The following PCNT variants were observed in gnomAD, a reference collection of about 807,000 sequenced individuals.
PCNT encodes the protein pericentrin, also known as kendrin.
A neutral mutation model predicts 380.4 loss-of-function variants in PCNT; 319 were observed. The ratio of observed to expected loss-of-function variants is 0.84; its 90% CI spans 0.77 to 0.92. The LOEUF (loss-of-function observed/expected upper bound fraction) is 0.92. Ranked by LOEUF, PCNT falls within the 40% of genes least tolerant of loss-of-function variation. The pLI, the probability that PCNT is intolerant of heterozygous loss-of-function variation, is 0.00. For missense variants in PCNT, 4,400 were observed against 4,255.3 expected, an observed-to-expected ratio of 1.03 and a Z score of -0.95; for synonymous variants, 1,845 against 1,735.2, an observed-to-expected ratio of 1.06 and a Z score of -1.57.
At chr21:46,362,686 A>G (rs1475252464) in intron 13 of PCNT, among the ~76,000 whole-genome samples, 3 of 151,784 alleles carry the variant, frequency 2.0e-5, no homozygotes, top group Non-Finnish European at 2.9e-5. Context: ...CACACCTGTA[A>G]CAATCCCAGC....
At chr21:46,386,681 G>T (rs2085849916) in intron 17 of PCNT, among the ~76,000 whole-genome samples, 1 of 152,196 alleles carries the variant, frequency 6.6e-6, no homozygotes. Context: ...TCGCGTGTGG[G>T]GTCTTGAGAA....
At chr21:46,422,975 C>T (rs370316002) in intron 32 of PCNT, among the ~76,000 whole-genome samples, 2 of 152,128 alleles carry the variant, frequency 1.3e-5, no homozygotes, top group African/African-American at 4.8e-5. Flanking sequence ...TGGCTGGGCA[C>T]GGTGGCTCAT....
intron 2 of PCNT, among the ~76,000 whole-genome samples, chr21:46,329,537 G>C (rs948715700): frequency 3.3e-5 from 5 of 152,092 alleles, no homozygotes; most frequent in African/African-American, 9.7e-5. Flanking sequence ...ACATCTTAAA[G>C]CAATCTATAA....
At position 46,385,939 on chromosome 21, in the gene PCNT, CCT is replaced by C. The variant is rs1338994910; in HGVS notation, c.3424_3425del (p.Ser1142HisfsTer51). The C allele has an allele frequency of 6.2e-7, 1 of 1,614,062 alleles. No individual in the cohort carries two copies. The highest frequency in any genetic ancestry group is 8.5e-7 in the Non-Finnish European group (1 of 1,180,040). ...GGGAGAACCGGGAAGGCGCAAACCT[CCT>C]CTCCATGCTCAAGGCCGACGTCAAC... ...ERENREGANL[L>X]SMLKADVNLS... On this transcript the variant is annotated frameshift_variant, in exon 17 of 47. Coordinates refer to ENST00000359568, the MANE Select transcript of PCNT (RefSeq NM_006031.6). LOFTEE classifies it high-confidence loss of function.
chr21:46,428,304 G>A, intron 34 of PCNT, 91 bp from the exon 35 acceptor site: 2 of 1,164,966 alleles, frequency 1.7e-6, no homozygotes, highest in Admixed American at 1.9e-5. Context: ...GCTTGTCCCG[G>A]CGGAGCTGGT....
chr21:46,424,786 TC>T (rs2087425606), intron 32 of PCNT, among the ~76,000 whole-genome samples: 2 of 133,386 alleles, frequency 1.5e-5, no homozygotes, highest in Non-Finnish European at 3.2e-5. Context: ...ACCACCCCGC[TC>T]CCCTCAACCC....
At chr21:46,440,536 C>A (rs1172052747) in intron 42 of PCNT, among the ~76,000 whole-genome samples, 2 of 152,236 alleles carry the variant, frequency 1.3e-5, no homozygotes, top group Admixed American at 6.5e-5. Flanking sequence ...GCACACGGTC[C>A]CCACCCCGTG....
chr21:46,388,831 A>T lies in PCNT; in HGVS notation c.3554A>T (p.Glu1185Val). The T allele has an allele frequency of 6.2e-7, 1 of 1,612,158 alleles. No homozygotes were observed. The change falls in exon 18 of 47, where the codon GAG becomes GTG. Residue 1185 changes from glutamate (E) to valine (V), a missense_variant. Physicochemically the swap from Glu to Val is moderately radical, Grantham distance 121. Transcript: ENST00000359568. The surrounding 1 kb of genome is among the most constrained non-coding windows in gnomAD (Gnocchi z 4.2). ...AAVTLRSRIGERVGLCLDDAG... is the reference protein window; with the variant it reads ...AAVTLRSRIGVRVGLCLDDAG... ...GTCACCCTGAGGAGCCGGATCGGGGAGCGCGTGGGGCTCTGCCTGGATGAC... is the reference window on the plus strand; with the variant it reads ...GTCACCCTGAGGAGCCGGATCGGGGTGCGCGTGGGGCTCTGCCTGGATGAC...
intron 3 of PCNT, among the ~76,000 whole-genome samples, chr21:46,339,391 G>A (rs1215529065): frequency 6.6e-6 from 1 of 152,148 alleles, no homozygotes; most frequent in Non-Finnish European, 1.5e-5. Context: ...TTCTTTAGAG[G>A]GACAGAACTA....
At chr21:46,373,582 C>T (rs1436929550) in intron 15 of PCNT, among the ~76,000 whole-genome samples, 1 of 150,882 alleles carries the variant, frequency 6.6e-6, no homozygotes, top group Non-Finnish European at 1.5e-5. Context: ...CAGGCATGCG[C>T]CACCATGCCT....
chr21:46,354,963 G>A (rs2084418321), intron 11 of PCNT, among the ~76,000 whole-genome samples: 1 of 152,228 alleles, frequency 6.6e-6, no homozygotes, highest in South Asian at 2.1e-4. Flanking sequence ...AAGGGCTGGG[G>A]TGGGTAGCCC....
chr21:46,387,056 AG>A (rs552918189), intron 17 of PCNT, among the ~76,000 whole-genome samples: 88 of 152,056 alleles, frequency 5.8e-4, no homozygotes, highest in African/African-American at 2.1e-3. Flanking sequence ...TCCCCACTCG[AG>A]GCCTCTGGGT....
chr21:46,433,546 T>G (rs1186891497), intron 38 of PCNT, among the ~76,000 whole-genome samples: 1 of 152,194 alleles, frequency 6.6e-6, no homozygotes, highest in African/African-American at 2.4e-5. Context: ...TGTGTTTGCC[T>G]TTCTCCTGGG....
At chr21:46,367,219 T>C in intron 15 of PCNT, 80 bp downstream of exon 15, 1 of 1,217,272 alleles carries the variant, frequency 8.2e-7, no homozygotes, top group Non-Finnish European at 1.2e-6. Flanking sequence ...GTCACATGTC[T>C]GCGTGCGTGC....
Position 46,324,295 on chromosome 21 carries a change from G to A in PCNT, c.54+13G>A, listed in dbSNP as rs1462913553. 2 of 1,602,678 alleles carry A rather than the reference G, an allele frequency of 1.2e-6. No individual in the cohort carries two copies. Among genetic ancestry groups the A allele is most frequent in the East Asian group, 2.2e-5 (1 of 44,606 alleles). ...CGGGAGGACGAAGGTAAACATTAGG[G>A]GCTTCTTCTCTAGCTGCTCTGGCGT... On this transcript the variant is annotated intron_variant, in intron 1 of 46. Transcript: ENST00000359568.
chr21:46,387,246 T>C (rs913068417), intron 17 of PCNT, among the ~76,000 whole-genome samples: 1 of 152,124 alleles, frequency 6.6e-6, no homozygotes, highest in Non-Finnish European at 1.5e-5. Context: ...GGTCTCTCTT[T>C]GTTCTTTTCA....
rs770589647 is a variant in PCNT, at chr21:46,390,725, A to G, written c.3896A>G (p.Asn1299Ser). The G allele has an allele frequency of 1.9e-6, 3 of 1,613,990 alleles. No homozygotes were observed. The highest frequency in any genetic ancestry group is 2.5e-6 in the Non-Finnish European group (3 of 1,180,016). ...SRFEKEFSFKNEETAQVVRKH... is the reference protein window; with the variant it reads ...SRFEKEFSFKSEETAQVVRKH... Reference sequence around the variant, plus strand: ...TTTGAAAAAGAATTTAGTTTTAAGAATGAGGAGACAGCACAGGTTGTCAGG... The same window carrying G: ...TTTGAAAAAGAATTTAGTTTTAAGAGTGAGGAGACAGCACAGGTTGTCAGG... The change falls in exon 20 of 47, where the codon AAT becomes AGT. Residue 1299 changes from asparagine (N) to serine (S), a missense_variant. Asn to Ser is a conservative substitution (Grantham distance 46). Coordinates refer to ENST00000359568, the MANE Select transcript of PCNT (RefSeq NM_006031.6).
At chr21:46,418,098 CTA>C in intron 30 of PCNT, 104 bp from the exon 31 acceptor site, 2 of 720,008 alleles carry the variant, frequency 2.8e-6, no homozygotes, top group Non-Finnish European at 5.1e-6. Context: ...CATCTGGGGT[CTA>C]TGTGGGAAGA....
chr21:46,364,033 C>T lies in PCNT; in HGVS notation c.2609+99C>T, dbSNP rs892445386. 5.3e-6 allele frequency: 6 copies of T among 1,122,460 alleles called. No homozygotes were observed. In the African/African-American group the frequency reaches 9.2e-5, roughly 17 times the overall value. 69.5% of individuals were successfully genotyped at this position (1,122,460 alleles called of 1,614,324 possible). A position where few individuals can be genotyped will look rare whatever the true frequency, so the allele number is the denominator to read the frequency against. ...CTGGGAGGAGGCGCTGTGGGCTCCA[C>T]TGGGCGAAAAGGTCTGGAGGGAGCT... On this transcript the variant is annotated intron_variant, in intron 14 of 46. Transcript: ENST00000359568.
Sources: gnomAD v4.1 joint callset for allele counts (sites outside exome capture counted in the v4.1 genomes callset) on GRCh38, gnomAD v4.1.1 for gene constraint, Gnocchi (gnomAD v3.1) non-coding constraint, MANE v1.5 for transcripts, NCBI Gene and HGNC (gene_info 2026-07-23, HGNC 2026-07-21) for gene names.